OR2L13: variants seen among roughly 807,000 people sequenced by gnomAD.
OR2L13 encodes olfactory receptor 2L13.
OR2L13 carries 14 observed loss-of-function variants against 15.3 expected under a neutral mutation model. The observed-to-expected ratio is 0.91, with a 90% CI of 0.60 to 1.43. OR2L13 has a LOEUF of 1.43. Ranked by LOEUF, OR2L13 falls within the 40% of genes most tolerant of loss-of-function variation. OR2L13 has a pLI of 0.00. For synonymous variants in OR2L13, 152 were observed against 142.9 expected (o/e 1.06, Z -0.45); for missense variants, 367 against 387.9 (o/e 0.95, Z 0.45).
chr1:248,028,677 T>C, the OR2L13 span, among the ~76,000 whole-genome samples: 1 of 152,240 alleles, frequency 6.6e-6, no homozygotes, highest in Non-Finnish European at 1.5e-5. Flanking sequence ...AGTCAATTTC[T>C]ACGTCCAGGA....
chr1:247,998,538 T>G, the OR2L13 span, among the ~76,000 whole-genome samples: 4 of 152,136 alleles, frequency 2.6e-5, no homozygotes, highest in Non-Finnish European at 4.4e-5. Flanking sequence ...TATTTTACCT[T>G]ATATGAATCC....
the OR2L13 span, among the ~76,000 whole-genome samples, chr1:248,071,316 T>A: frequency 6.6e-6 from 1 of 152,096 alleles, no homozygotes; most frequent in Admixed American, 6.6e-5. Flanking sequence ...GCAAGGCTGC[T>A]TCAATATATG....
the OR2L13 span, among the ~76,000 whole-genome samples, chr1:247,957,469 A>G: frequency 2.0e-5 from 3 of 152,112 alleles, no homozygotes; most frequent in Non-Finnish European, 4.4e-5. Context: ...AAATGAGTTA[A>G]GGAGGATTCC....
At chr1:247,949,326 G>A in the OR2L13 span, 25 of 1,613,994 alleles carry the variant, frequency 1.5e-5, 1 homozygote, top group South Asian at 3.3e-5. Context: ...CAATGCTTGT[G>A]CTCACACTGT....
At chr1:247,966,051 A>G in the OR2L13 span, 17 of 1,614,038 alleles carry the variant, frequency 1.1e-5, no homozygotes, top group Non-Finnish European at 1.4e-5. Flanking sequence ...TTATTGTGGT[A>G]TTCCAGATGA....
the OR2L13 span, among the ~76,000 whole-genome samples, chr1:247,952,058 T>C: frequency 6.6e-6 from 1 of 152,228 alleles, no homozygotes; most frequent in Non-Finnish European, 1.5e-5. Flanking sequence ...AGCCCACTTG[T>C]GTAGTCACTA....
the OR2L13 span, among the ~76,000 whole-genome samples, chr1:247,972,072 G>T: frequency 1.3e-5 from 2 of 152,156 alleles, no homozygotes; most frequent in Non-Finnish European, 2.9e-5. Context: ...TGAAACCAGT[G>T]AGAACAAAGA....
the OR2L13 span, among the ~76,000 whole-genome samples, chr1:247,978,549 T>C: frequency 1.3e-5 from 2 of 152,268 alleles, no homozygotes; most frequent in Non-Finnish European, 2.9e-5. Context: ...CTATGTTGTT[T>C]AATGAATAAT....
the OR2L13 span, among the ~76,000 whole-genome samples, chr1:248,020,910 T>C: frequency 1.3e-5 from 2 of 151,400 alleles, no homozygotes; most frequent in Non-Finnish European, 3.0e-5. Flanking sequence ...ATGGCACATG[T>C]ATACATATGT....
chr1:248,048,498 A>G, the OR2L13 span, among the ~76,000 whole-genome samples: 2 of 152,158 alleles, frequency 1.3e-5, no homozygotes, highest in Non-Finnish European at 2.9e-5. Context: ...TCTATACTCC[A>G]GAAGACACTC....
At chr1:248,016,858 C>A in the OR2L13 span, among the ~76,000 whole-genome samples, 1 of 151,940 alleles carries the variant, frequency 6.6e-6, no homozygotes, top group East Asian at 1.9e-4. Flanking sequence ...TCACTTACAA[C>A]CCCTGAATCT....
At chr1:247,979,506 G>A in the OR2L13 span, among the ~76,000 whole-genome samples, 2 of 151,988 alleles carry the variant, frequency 1.3e-5, no homozygotes, top group Non-Finnish European at 2.9e-5. Flanking sequence ...CTTTTTTATA[G>A]CTGTATAGTA....
the OR2L13 span, among the ~76,000 whole-genome samples, chr1:248,074,346 G>A: frequency 2.3e-3 from 350 of 150,826 alleles, no homozygotes; most frequent in African/African-American, 8.0e-3. Flanking sequence ...AGAGTAATAC[G>A]AGCTCTCAAA....
chr1:248,057,242 G>A, the OR2L13 span, among the ~76,000 whole-genome samples: 1 of 152,138 alleles, frequency 6.6e-6, no homozygotes, highest in Non-Finnish European at 1.5e-5. Flanking sequence ...GGGTATTAAA[G>A]TCTCTCACTA....
the OR2L13 span, among the ~76,000 whole-genome samples, chr1:247,955,918 C>T: frequency 6.6e-6 from 1 of 151,044 alleles, no homozygotes; most frequent in Non-Finnish European, 1.5e-5. Flanking sequence ...ATGGTAGTTT[C>T]TTTTGCTGTG....
chr1:247,940,154 A>G, the OR2L13 span, among the ~76,000 whole-genome samples: 1 of 152,188 alleles, frequency 6.6e-6, no homozygotes, highest in Non-Finnish European at 1.5e-5. Flanking sequence ...ACATACTTAC[A>G]TACATTGATT....
chr1:248,056,785 C>G, the OR2L13 span, among the ~76,000 whole-genome samples: 2 of 150,584 alleles, frequency 1.3e-5, no homozygotes, highest in Non-Finnish European at 3.0e-5. Flanking sequence ...GTAGCTGGGA[C>G]TGCTGGTACA....
chr1:247,964,028 A>C, the OR2L13 span, among the ~76,000 whole-genome samples: 1 of 152,172 alleles, frequency 6.6e-6, no homozygotes, highest in Non-Finnish European at 1.5e-5. Context: ...TCCCATTTCC[A>C]AACAAAAAGT....
the OR2L13 span, chr1:247,949,849 G>A: frequency 7.2e-7 from 1 of 1,392,842 alleles, no homozygotes; most frequent in South Asian, 1.4e-5. Flanking sequence ...ATTCAGCAGT[G>A]TATAGTAATT....
Sources: allele counts gnomAD v4.1 joint callset (sites outside exome capture counted in the v4.1 genomes callset), GRCh38; gene constraint gnomAD v4.1.1; transcripts MANE v1.5; gene names NCBI Gene and HGNC (gene_info 2026-07-23, HGNC 2026-07-21).